The following CORO2B variants were observed in gnomAD, a reference collection of about 807,000 sequenced individuals.
CORO2B encodes the protein coronin 2B.
A neutral mutation model predicts 58.8 loss-of-function variants in CORO2B; 26 were observed. The observed-to-expected ratio is 0.44, with a 90% CI of 0.32 to 0.61. The LOEUF (loss-of-function observed/expected upper bound fraction) is 0.61, where lower values mean the gene tolerates loss of function less well. CORO2B is among the 20% of genes least tolerant of loss of function. The pLI is 0.04. For synonymous variants in CORO2B, 242 were observed against 253.8 expected (o/e 0.95, Z 0.44); for missense variants, 460 against 645.1 (o/e 0.71, Z 3.11).
At chr15:68,686,238 G>A (rs1392243801) in intron 2 of CORO2B, among the ~76,000 whole-genome samples, 1 of 151,540 alleles carries the variant, frequency 6.6e-6, no homozygotes, top group African/African-American at 2.4e-5. Flanking sequence ...GTTCTGTCAC[G>A]TTGGCCAGGC....
chr15:68,541,181 G>T, the CORO2B span, among the ~76,000 whole-genome samples: 1 of 151,674 alleles, frequency 6.6e-6, no homozygotes, highest in African/African-American at 2.4e-5. Context: ...GCTGCAGTGA[G>T]TCAAAATGGT....
chr15:68,647,459 G>A (rs960474062), intron 2 of CORO2B, among the ~76,000 whole-genome samples: 3 of 152,170 alleles, frequency 2.0e-5, no homozygotes, highest in Non-Finnish European at 4.4e-5. Context: ...GGAGGCCAAG[G>A]CAGGCAGATC....
At chr15:68,607,384 G>A (rs75188236) in intron 1 of CORO2B, among the ~76,000 whole-genome samples, 3,330 of 152,258 alleles carry the variant, frequency 0.022, 40 homozygotes, top group Non-Finnish European at 0.035. Context: ...ATGACTTGGG[G>A]CTCCAGGAGC....
At chr15:68,564,643 T>C in the CORO2B span, among the ~76,000 whole-genome samples, 2 of 152,200 alleles carry the variant, frequency 1.3e-5, no homozygotes, top group Non-Finnish European at 2.9e-5. Flanking sequence ...TCTTCTGGTA[T>C]AGTTTGTATC....
At chr15:68,578,920 T>A, upstream of CORO2B, 2 of 611,316 alleles carry the variant, frequency 3.3e-6, no homozygotes, top group Non-Finnish European at 4.1e-6. This position sits in a 1 kb window ranked among gnomAD's most constrained non-coding sequence, Gnocchi z 4.2. Flanking sequence ...CTCCGCCTCC[T>A]CCTTTGTAGC....
At chr15:68,622,493 C>T (rs971012201) in intron 1 of CORO2B, among the ~76,000 whole-genome samples, 11 of 152,176 alleles carry the variant, frequency 7.2e-5, no homozygotes, top group African/African-American at 2.7e-4. Context: ...ATATGAGTCC[C>T]ATCCTTGACA....
intron 1 of CORO2B, among the ~76,000 whole-genome samples, chr15:68,635,523 G>C (rs535740387): frequency 6.6e-6 from 1 of 152,284 alleles, no homozygotes; most frequent in African/African-American, 2.4e-5. Flanking sequence ...ACCACCCCCA[G>C]GGCAGGAAGC....
intron 1 of CORO2B, among the ~76,000 whole-genome samples, chr15:68,605,824 A>G (rs1173561380): frequency 6.7e-6 from 1 of 148,396 alleles, no homozygotes; most frequent in African/African-American, 2.5e-5. Flanking sequence ...TCCCGGGTTC[A>G]AGCAATTCTC....
At chr15:68,643,489 G>A (rs1901322924) in intron 1 of CORO2B, among the ~76,000 whole-genome samples, 1 of 152,208 alleles carries the variant, frequency 6.6e-6, no homozygotes, top group Admixed American at 6.5e-5. Context: ...GACAGCAAGT[G>A]GGACAGGGAC....
the CORO2B span, among the ~76,000 whole-genome samples, chr15:68,529,110 G>C: frequency 6.6e-6 from 1 of 152,264 alleles, no homozygotes; most frequent in Admixed American, 6.5e-5. Context: ...AGCGAAGTAC[G>C]TGGGTTGTTC....
the CORO2B span, among the ~76,000 whole-genome samples, chr15:68,544,201 A>C: frequency 6.6e-6 from 1 of 152,164 alleles, no homozygotes; most frequent in Non-Finnish European, 1.5e-5. Context: ...AAGCAACTAT[A>C]TCTCTCTCTG....
chr15:68,550,970 C>T, the CORO2B span, among the ~76,000 whole-genome samples: 1 of 152,176 alleles, frequency 6.6e-6, no homozygotes, highest in African/African-American at 2.4e-5. Flanking sequence ...CTACCCCACC[C>T]ACCCCCAGGA....
intron 11 of CORO2B, 151 bp from the exon 12 acceptor site, chr15:68,725,692 G>A: frequency 1.0e-6 from 1 of 960,102 alleles, no homozygotes; most frequent in Non-Finnish European, 1.5e-6. Context: ...TGCAATAAAT[G>A]CACCTGGGGA....
At chr15:68,618,916 G>A (rs575349490) in intron 1 of CORO2B, among the ~76,000 whole-genome samples, 4 of 152,258 alleles carry the variant, frequency 2.6e-5, no homozygotes, top group South Asian at 4.1e-4. Flanking sequence ...AACATTTTGC[G>A]ATTTTGAGAA....
intron 8 of CORO2B, 34 bp downstream of exon 8, chr15:68,715,345 C>T: frequency 3.4e-6 from 5 of 1,489,302 alleles, no homozygotes; most frequent in African/African-American, 2.7e-5. Flanking sequence ...AGCTGGTGTG[C>T]TCATGGCACG....
chr15:68,644,821 G>A (rs1901369005), intron 1 of CORO2B, among the ~76,000 whole-genome samples: 4 of 152,160 alleles, frequency 2.6e-5, no homozygotes, highest in Admixed American at 2.6e-4. Context: ...GTCTGTATGT[G>A]TTCTTGCTTC....
At chr15:68,674,746 C>T (rs544297630) in intron 2 of CORO2B, among the ~76,000 whole-genome samples, 38 of 152,298 alleles carry the variant, frequency 2.5e-4, no homozygotes, top group African/African-American at 8.9e-4. Context: ...TAAGAGTTTG[C>T]CCTGATCCCA....
chr15:68,633,858 A>C (rs1900940575), intron 1 of CORO2B, among the ~76,000 whole-genome samples: 1 of 152,184 alleles, frequency 6.6e-6, no homozygotes, highest in Admixed American at 6.5e-5. Context: ...GCCCATCACC[A>C]GTTACCACAT....
the CORO2B span, among the ~76,000 whole-genome samples, chr15:68,542,053 C>T: frequency 6.6e-5 from 10 of 152,294 alleles, no homozygotes; most frequent in African/African-American, 1.9e-4. Flanking sequence ...TTGTTTGTTG[C>T]GTCTTAGGGA....
Sources: allele counts gnomAD v4.1 joint callset (sites outside exome capture counted in the v4.1 genomes callset), GRCh38; gene constraint gnomAD v4.1.1; non-coding constraint Gnocchi (gnomAD v3.1); transcripts MANE v1.5; gene names NCBI Gene and HGNC (gene_info 2026-07-23, HGNC 2026-07-21).